The following GNG4 variants were observed in gnomAD, a reference collection of about 807,000 sequenced individuals.
GNG4 encodes guanine nucleotide-binding protein G(I)/G(S)/G(O) subunit gamma-4.
GNG4 carries 4 observed loss-of-function variants against 5.8 expected under a neutral mutation model. The observed-to-expected ratio is 0.69, with a 90% CI of 0.34 to 1.57. The LOEUF (loss-of-function observed/expected upper bound fraction) is 1.57, where lower values mean the gene tolerates loss of function less well. Ranked by LOEUF, GNG4 falls within the 40% of genes most tolerant of loss-of-function variation. The probability of loss-of-function intolerance (pLI) is 0.06; values close to 1 mark genes in which losing one functional copy is unlikely to be tolerated. For synonymous variants in GNG4, 29 were observed against 32.9 expected (o/e 0.88, Z 0.41); for missense variants, 96 against 95.1 (o/e 1.01, Z -0.04).
At chr1:235,605,277 G>A (rs891152973) in intron 1 of GNG4, among the ~76,000 whole-genome samples, 28 of 150,586 alleles carry the variant, frequency 1.9e-4, no homozygotes, top group African/African-American at 6.6e-4. Context: ...TACAACCTCC[G>A]CCTCCCAGGT....
At chr1:235,603,556 C>G (rs1038560252) in intron 1 of GNG4, among the ~76,000 whole-genome samples, 6 of 152,236 alleles carry the variant, frequency 3.9e-5, no homozygotes, top group African/African-American at 1.2e-4. Context: ...GATGACTCTT[C>G]CCCACTCCGA....
intron 1 of GNG4, among the ~76,000 whole-genome samples, chr1:235,614,454 CTTTAG>C (rs1427147859): frequency 6.6e-6 from 1 of 152,092 alleles, no homozygotes; most frequent in East Asian, 1.9e-4. Context: ...CTCTCTCTCT[CTTTAG>C]TTTATTAAAG....
At chr1:235,574,149 T>C (rs1175344317) in intron 3 of GNG4, among the ~76,000 whole-genome samples, 1 of 152,152 alleles carries the variant, frequency 6.6e-6, no homozygotes, top group African/African-American at 2.4e-5. Flanking sequence ...GATGGGAGGA[T>C]AACTTGAGGT....
At chr1:235,573,595 G>A (rs1000769055) in intron 3 of GNG4, among the ~76,000 whole-genome samples, 5 of 152,064 alleles carry the variant, frequency 3.3e-5, no homozygotes, top group Non-Finnish European at 7.4e-5. Flanking sequence ...GGGTAACACA[G>A]TGAAACCCCG....
At chr1:235,562,146 A>G (rs1687079953) in intron 3 of GNG4, among the ~76,000 whole-genome samples, 1 of 152,060 alleles carries the variant, frequency 6.6e-6, no homozygotes, top group Non-Finnish European at 1.5e-5. Flanking sequence ...GGGGCTCTCT[A>G]TTCTGTTCCA....
At chr1:235,612,317 T>A (rs1688495330) in intron 1 of GNG4, among the ~76,000 whole-genome samples, 1 of 151,766 alleles carries the variant, frequency 6.6e-6, no homozygotes, top group Admixed American at 6.6e-5. Context: ...GTGTGAGGAG[T>A]CCTGGAGAAT....
At position 235,629,600 on chromosome 1, in the gene GNG4, C is replaced by CT. The variant is rs569494929; in HGVS notation, c.-123+20061dup. ...ATTTTTCTTTCTTTTTTCTTTCTTT[C>CT]TTTTTTTTTTTTTTAAGATTGAGTC... is the stretch of plus-strand genomic sequence containing the variant. On this transcript the variant is annotated intron_variant, in intron 1 of 3. Coordinates refer to ENST00000391854, the MANE Select transcript of GNG4 (RefSeq NM_001098722.2). Among the ~76,000 whole-genome samples, 225 of 139,086 alleles carry CT rather than the reference C, an allele frequency of 1.6e-3. 1 individual carries two copies. Among genetic ancestry groups the CT allele is most frequent in the East Asian group, 7.4e-3 (36 of 4,858 alleles). The allele number at this position is 139,086 out of a possible 152,430, so 91.2% of individuals were successfully genotyped here. A position where few individuals can be genotyped will look rare whatever the true frequency, so the allele number is the denominator to read the frequency against.
intron 3 of GNG4, among the ~76,000 whole-genome samples, chr1:235,575,814 C>T (rs560632059): frequency 1.3e-5 from 2 of 152,292 alleles, no homozygotes; most frequent in East Asian, 1.9e-4. Context: ...TCAGGGCACC[C>T]TGAGGGATGG....
At chr1:235,587,582 GGTGA>G (rs71759371) in intron 2 of GNG4, among the ~76,000 whole-genome samples, 374 of 17,806 alleles carry the variant, frequency 0.021, 20 homozygotes, top group East Asian at 0.028. Context: ...GTGGGGTGGC[GGTGA>G]GTGTGAGTGT....
chr1:235,649,380 G>GC lies in GNG4; in HGVS notation c.-123+281dup, dbSNP rs947671783. Among the ~76,000 whole-genome samples, 4 of 152,124 alleles carry GC rather than the reference G, an allele frequency of 2.6e-5. No individual in the cohort carries two copies. The highest frequency in any genetic ancestry group is 9.7e-5 in the African/African-American group (4 of 41,440). On this transcript the variant is annotated intron_variant, in intron 1 of 3. Transcript: ENST00000391854. The surrounding 1 kb of genome is among the most constrained non-coding windows in gnomAD (Gnocchi z 5.7). ...CTGCCTCATGCCGGAGGGACCGGGC[G>GC]CCCCCAGCCCCGGAAGCCCCTGGAC...
intron 1 of GNG4, among the ~76,000 whole-genome samples, chr1:235,626,107 G>A (rs1363008525): frequency 6.6e-6 from 1 of 152,166 alleles, no homozygotes; most frequent in East Asian, 1.9e-4. Flanking sequence ...TATTCTCAGG[G>A]TTGTGGATTT....
chr1:235,611,925 A>G (rs1688484876), intron 1 of GNG4, among the ~76,000 whole-genome samples: 1 of 151,920 alleles, frequency 6.6e-6, no homozygotes, highest in African/African-American at 2.4e-5. Context: ...TTGGCCAGGT[A>G]TGGTGGCACA....
intron 2 of GNG4, among the ~76,000 whole-genome samples, chr1:235,587,109 G>A (rs1434783867): frequency 1.3e-5 from 2 of 151,704 alleles, no homozygotes; most frequent in Non-Finnish European, 2.9e-5. Context: ...TCTGCACTGT[G>A]TGTGAGGGAG....
intron 3 of GNG4, among the ~76,000 whole-genome samples, chr1:235,570,071 C>CTTTT (rs1403265408): frequency 6.6e-6 from 1 of 152,136 alleles, no homozygotes; most frequent in Admixed American, 6.5e-5. Context: ...TCAGGTCTTC[C>CTTTT]TTTATTTAAT....
rs912248303 is a variant in GNG4 at position 235,550,118 on chromosome 1, T to G, written c.*1991A>C. ...TCTGCTCCCACTGTGTATTCTCCTC[T>G]TTCATCGGGATCATATGAGTTTGGT... On this transcript the variant is annotated 3_prime_UTR_variant, in exon 4 of 4. Transcript: ENST00000391854. 7 of 152,226 alleles carry G rather than the reference T, an allele frequency of 4.6e-5. No individual in the cohort carries two copies. Among genetic ancestry groups the G allele is most frequent in the Admixed American group, 1.3e-4 (2 of 15,286 alleles). The allele number at this position is 152,226 out of a possible 1,614,324, so 9.4% of individuals were successfully genotyped here.
chr1:235,564,460 T>C (rs1382302017), intron 3 of GNG4, among the ~76,000 whole-genome samples: 1 of 152,168 alleles, frequency 6.6e-6, no homozygotes, highest in Non-Finnish European at 1.5e-5. Flanking sequence ...ACTAACTAAA[T>C]TCCTTTTATG....
At chr1:235,620,012 A>G (rs1453781567) in intron 1 of GNG4, among the ~76,000 whole-genome samples, 2 of 152,234 alleles carry the variant, frequency 1.3e-5, no homozygotes, top group African/African-American at 4.8e-5. Context: ...TTTTGTGCAC[A>G]GCTATATTAA....
chr1:235,570,945 C>CATATATAT (rs1553365429), intron 3 of GNG4, among the ~76,000 whole-genome samples: 175 of 115,644 alleles, frequency 1.5e-3, no homozygotes, highest in African/African-American at 5.6e-3. Flanking sequence ...CACACACACA[C>CATATATAT]ATATATATAT....
At chr1:235,594,689 T>C (rs1688080207) in intron 2 of GNG4, among the ~76,000 whole-genome samples, 1 of 152,160 alleles carries the variant, frequency 6.6e-6, no homozygotes, top group Non-Finnish European at 1.5e-5. Flanking sequence ...GCGGGGCCGC[T>C]AAACCCACGC....
Sources: gnomAD v4.1 joint callset for allele counts (sites outside exome capture counted in the v4.1 genomes callset) on GRCh38, gnomAD v4.1.1 for gene constraint, Gnocchi (gnomAD v3.1) non-coding constraint, MANE v1.5 for transcripts, NCBI Gene and HGNC (gene_info 2026-07-23, HGNC 2026-07-21) for gene names.